The following CA10 variants were observed in gnomAD, a reference collection of about 807,000 sequenced individuals.
CA10 encodes the protein carbonic anhydrase-related protein 10.
CA10 carries 14 observed loss-of-function variants against 44.2 expected under a neutral mutation model. The observed-to-expected ratio is 0.32, with a 90% CI of 0.21 to 0.50. The LOEUF (loss-of-function observed/expected upper bound fraction) is 0.50, where lower values mean the gene tolerates loss of function less well. CA10 is among the 20% of genes least tolerant of loss of function. The pLI is 0.99. For synonymous variants in CA10, 159 were observed against 141.6 expected (o/e 1.12, Z -0.87); for missense variants, 350 against 409.7 (o/e 0.85, Z 1.26).
chr17:52,113,961 G>A (rs1355120017), intron 1 of CA10, among the ~76,000 whole-genome samples: 1 of 152,166 alleles, frequency 6.6e-6, no homozygotes, highest in Non-Finnish European at 1.5e-5. Context: ...GCATGCTCCT[G>A]TAGCAAAAAC....
At chr17:51,766,303 T>C (rs1209554967) in intron 3 of CA10, among the ~76,000 whole-genome samples, 1 of 152,124 alleles carries the variant, frequency 6.6e-6, no homozygotes, top group South Asian at 2.1e-4. Context: ...TGAAAATGAA[T>C]TCCACAAGTC....
At chr17:51,644,997 C>T (rs983615216) in intron 6 of CA10, among the ~76,000 whole-genome samples, 5 of 152,046 alleles carry the variant, frequency 3.3e-5, no homozygotes, top group East Asian at 1.9e-4. Context: ...GGGGTCTCAC[C>T]ATGTTGGTCA....
intron 3 of CA10, among the ~76,000 whole-genome samples, chr17:51,826,647 G>A (rs977061967): frequency 1.2e-4 from 19 of 152,292 alleles, no homozygotes; most frequent in South Asian, 2.1e-4. Context: ...TCTCCTCTGG[G>A]AGGCCGGCCT....
chr17:52,105,393 T>G (rs1002262291), intron 1 of CA10, among the ~76,000 whole-genome samples: 4 of 152,202 alleles, frequency 2.6e-5, no homozygotes, highest in African/African-American at 9.7e-5. Flanking sequence ...TAGCTGGGAC[T>G]ACAGGCGCCT....
At chr17:51,744,678 A>T (rs907000447) in intron 4 of CA10, among the ~76,000 whole-genome samples, 1 of 152,204 alleles carries the variant, frequency 6.6e-6, no homozygotes. Context: ...TCAGAGGCAA[A>T]CTCATTTCAT....
intron 1 of CA10, among the ~76,000 whole-genome samples, chr17:52,095,590 A>G (rs1988382476): frequency 6.6e-6 from 1 of 152,138 alleles, no homozygotes; most frequent in Non-Finnish European, 1.5e-5. Flanking sequence ...TTTTATATTA[A>G]TAATTAAGGT....
intron 2 of CA10, among the ~76,000 whole-genome samples, chr17:51,966,871 A>C (rs1385720200): frequency 1.3e-5 from 2 of 151,886 alleles, no homozygotes; most frequent in African/African-American, 4.8e-5. Flanking sequence ...AGCAGGACCT[A>C]ATTAAATAAA....
chr17:52,139,126 A>G (rs1292374647), intron 1 of CA10, among the ~76,000 whole-genome samples: 1 of 152,176 alleles, frequency 6.6e-6, no homozygotes, highest in Middle Eastern at 3.2e-3. Context: ...AGAATATCCT[A>G]TGGAGGTCTG....
intron 2 of CA10, among the ~76,000 whole-genome samples, chr17:51,997,056 T>G (rs1985261942): frequency 6.6e-6 from 1 of 152,084 alleles, no homozygotes; most frequent in Non-Finnish European, 1.5e-5. Flanking sequence ...TTCATGACTT[T>G]CAATCCCTCT....
chr17:51,820,722 C>T (rs1907748822), intron 3 of CA10, among the ~76,000 whole-genome samples: 1 of 151,962 alleles, frequency 6.6e-6, no homozygotes, highest in African/African-American at 2.4e-5. Flanking sequence ...GATTCTTGAG[C>T]TTCAATTTTC....
At chr17:51,927,044 T>G (rs978558753) in intron 3 of CA10, among the ~76,000 whole-genome samples, 3 of 152,178 alleles carry the variant, frequency 2.0e-5, no homozygotes, top group African/African-American at 7.2e-5. Flanking sequence ...AGTATTATCC[T>G]TCATCCCAGT....
At chr17:51,960,533 T>C (rs900108044) in intron 2 of CA10, among the ~76,000 whole-genome samples, 43 of 151,642 alleles carry the variant, frequency 2.8e-4, no homozygotes, top group African/African-American at 1.0e-3. Flanking sequence ...TAGAAAAAAA[T>C]AATTCAAATG....
intron 2 of CA10, among the ~76,000 whole-genome samples, chr17:52,000,183 C>A (rs1985374859): frequency 6.6e-6 from 1 of 152,086 alleles, no homozygotes; most frequent in African/African-American, 2.4e-5. Context: ...TCTTGGACTT[C>A]ATGATGTGAG....
chr17:51,673,701 G>A (rs1473278255), intron 4 of CA10, among the ~76,000 whole-genome samples: 3 of 152,096 alleles, frequency 2.0e-5, no homozygotes, highest in Admixed American at 2.0e-4. Flanking sequence ...TATGTCTCTC[G>A]AAGCCAGTCT....
chr17:52,159,626 C>G (rs1490600973), upstream of CA10: 1 of 152,396 alleles, frequency 6.6e-6, no homozygotes, highest in Non-Finnish European at 1.5e-5. Context: ...CACACACACA[C>G]CCAGCGCGCG....
chr17:52,076,015 A>G (rs578095809), intron 1 of CA10, among the ~76,000 whole-genome samples: 29 of 152,328 alleles, frequency 1.9e-4, no homozygotes, highest in African/African-American at 6.7e-4. Context: ...AGGAAAAAAG[A>G]GAAAGCATAC....
intron 3 of CA10, among the ~76,000 whole-genome samples, chr17:51,888,811 T>C (rs977979210): frequency 3.9e-5 from 6 of 152,232 alleles, no homozygotes; most frequent in Non-Finnish European, 7.3e-5. Context: ...TAATAAATCA[T>C]CTTCAAAATT....
At chr17:51,984,901 G>A (rs745581879) in intron 2 of CA10, among the ~76,000 whole-genome samples, 25 of 151,750 alleles carry the variant, frequency 1.6e-4, no homozygotes, top group African/African-American at 2.2e-4. Flanking sequence ...AAGACCACAC[G>A]GATTCACAGC....
At chr17:52,079,264 C>A (rs552470099) in intron 1 of CA10, among the ~76,000 whole-genome samples, 1 of 151,116 alleles carries the variant, frequency 6.6e-6, no homozygotes, top group Non-Finnish European at 1.5e-5. Flanking sequence ...CCAGCCTGGG[C>A]GACAGAGCGA....
Sources: gnomAD v4.1 joint callset for allele counts (sites outside exome capture counted in the v4.1 genomes callset) on GRCh38, gnomAD v4.1.1 for gene constraint, MANE v1.5 for transcripts, NCBI Gene and HGNC (gene_info 2026-07-23, HGNC 2026-07-21) for gene names.